The following AVL9 variants were observed in gnomAD, a reference collection of about 807,000 sequenced individuals.
AVL9 encodes late secretory pathway protein AVL9 homolog.
AVL9 carries 49 observed loss-of-function variants against 79.2 expected under a neutral mutation model. The observed-to-expected ratio is 0.62, with a 90% CI of 0.49 to 0.79. The LOEUF (loss-of-function observed/expected upper bound fraction) is 0.79, where lower values mean the gene tolerates loss of function less well. AVL9 is among the 30% of genes least tolerant of loss of function. The pLI is 0.00. For missense variants in AVL9, 682 were observed against 776.8 expected (o/e 0.88, Z 1.45); for synonymous variants, 299 against 280.6 (o/e 1.07, Z -0.65).
chr7:32,544,534 A>C (rs1789380802), intron 2 of AVL9, among the ~76,000 whole-genome samples, 160 bp from the exon 3 acceptor site: 1 of 152,206 alleles, frequency 6.6e-6, no homozygotes. Context: ...GAAAAATTCT[A>C]GGAAACCATT....
chr7:32,583,151 G>C (rs1791591461), intron 15 of AVL9, among the ~76,000 whole-genome samples: 1 of 152,156 alleles, frequency 6.6e-6, no homozygotes, highest in Admixed American at 6.6e-5. Context: ...TATCAAGTTG[G>C]TATTGAAGAT....
At chr7:32,564,509 T>C (rs1790469986) in intron 10 of AVL9, among the ~76,000 whole-genome samples, 1 of 152,210 alleles carries the variant, frequency 6.6e-6, no homozygotes, top group African/African-American at 2.4e-5. Flanking sequence ...CTGGGGAATA[T>C]TGCTGAAGTA....
chr7:32,500,013 TG>T (rs1787046897), intron 1 of AVL9, among the ~76,000 whole-genome samples: 2 of 152,360 alleles, frequency 1.3e-5, no homozygotes, highest in Non-Finnish European at 2.9e-5. Context: ...GCATTTGGGT[TG>T]GTTCCAAGTC....
intron 15 of AVL9, among the ~76,000 whole-genome samples, chr7:32,583,203 A>T (rs1048120130): frequency 1.3e-5 from 2 of 152,182 alleles, no homozygotes; most frequent in Admixed American, 6.5e-5. Context: ...AATAATTCTG[A>T]TACATAGCCA....
In AVL9 at chr7:32,534,385, C is replaced by T. The variant is rs1008674106; in HGVS notation, c.94-8756C>T. Reference sequence around the variant, plus strand: ...TTGCATGTATTAATGCCCTACCAGACATCTTTTTTTTTTTTAAGAGAAAAG... The same window carrying T: ...TTGCATGTATTAATGCCCTACCAGATATCTTTTTTTTTTTTAAGAGAAAAG... On this transcript the variant is annotated intron_variant, in intron 1 of 15. Transcript: ENST00000318709. 2.3e-4 allele frequency: 5 copies of T among 21,418 alleles called. No individual in the cohort carries two copies. The South Asian group carries it at 0.03, about 127-fold the overall frequency. The allele number at this position is 21,418 out of a possible 1,614,324, so 1.3% of individuals were successfully genotyped here.
intron 10 of AVL9, chr7:32,562,621 G>T (rs1413705493): frequency 1.0e-6 from 1 of 984,590 alleles, no homozygotes; most frequent in African/African-American, 1.7e-5. Flanking sequence ...AACTTCACTG[G>T]GTCAAAAGTT....
At chr7:32,501,615 T>C (rs1202706497) in intron 1 of AVL9, among the ~76,000 whole-genome samples, 1 of 152,224 alleles carries the variant, frequency 6.6e-6, no homozygotes, top group Admixed American at 6.5e-5. Flanking sequence ...TTTGGCATTG[T>C]GGCTAAGCGG....
chr7:32,549,148 A>G (rs1167919007), intron 4 of AVL9, among the ~76,000 whole-genome samples: 1 of 151,748 alleles, frequency 6.6e-6, no homozygotes, highest in African/African-American at 2.4e-5. Flanking sequence ...TGACACATAA[A>G]CAAAATGAGG....
Position 32,551,438 on chromosome 7 carries a change from C to T in AVL9, c.462+15C>T. On this transcript the variant is annotated intron_variant, in intron 5 of 15. Coordinates refer to ENST00000318709, the MANE Select transcript of AVL9 (RefSeq NM_015060.3). ...CTATTCTAAAGGTAACTTTATACCC[C>T]TCTATAGATGTGTTTGGCTGAAGAT... 1.4e-6 allele frequency: 2 copies of T among 1,426,910 alleles called. No homozygotes were observed. The highest frequency in any genetic ancestry group is 2.0e-6 in the Non-Finnish European group (2 of 1,011,778). 88.4% of individuals were successfully genotyped at this position (1,426,910 alleles called of 1,614,324 possible). A position where few individuals can be genotyped will look rare whatever the true frequency, so the allele number is the denominator to read the frequency against.
intron 1 of AVL9, among the ~76,000 whole-genome samples, chr7:32,523,813 A>G (rs568611993): frequency 6.8e-6 from 1 of 147,256 alleles, no homozygotes; most frequent in East Asian, 2.0e-4. Context: ...GGCTCACTGC[A>G]AGCTCCGCCT....
Position 32,584,805 on chromosome 7 carries a change from T to C in AVL9, c.*898T>C, listed in dbSNP as rs1235248817. The C allele has an allele frequency of 8.1e-6, 1 of 123,112 alleles. No homozygotes were observed. The highest frequency in any genetic ancestry group is 1.6e-5 in the Non-Finnish European group (1 of 60,988). 7.6% of individuals were successfully genotyped at this position (123,112 alleles called of 1,614,324 possible). ...GGGGGGGGGGGGCGGGGTCTCACTC[T>C]ATCGCCCAGGCTGGAGTGCAGTGGT... is the stretch of plus-strand genomic sequence containing the variant. On this transcript the variant is annotated 3_prime_UTR_variant, in exon 16 of 16. Transcript: ENST00000318709.
chr7:32,531,426 T>TCAACA (rs1562768925), intron 1 of AVL9, among the ~76,000 whole-genome samples: 1 of 152,054 alleles, frequency 6.6e-6, no homozygotes. Context: ...AACATGTATA[T>TCAACA]TCATATAACG....
chr7:32,503,862 T>C (rs904511652), intron 1 of AVL9, among the ~76,000 whole-genome samples: 4 of 152,032 alleles, frequency 2.6e-5, no homozygotes, highest in Admixed American at 2.0e-4. Flanking sequence ...TTTGTATTTT[T>C]AGTAGAGTCA....
At chr7:32,540,748 C>T (rs920343258) in intron 1 of AVL9, among the ~76,000 whole-genome samples, 19 of 151,946 alleles carry the variant, frequency 1.3e-4, no homozygotes, top group African/African-American at 1.9e-4. Context: ...TTCCTACAGC[C>T]GGCTTCTCCA....
chr7:32,553,857 G>T (rs1341054554), intron 7 of AVL9, 90 bp downstream of exon 7: 5 of 911,302 alleles, frequency 5.5e-6, no homozygotes, highest in African/African-American at 3.3e-5. Flanking sequence ...GCCAAATTCA[G>T]TGTGCTAAAT....
chr7:32,562,257 A>G (rs990440444), intron 10 of AVL9, among the ~76,000 whole-genome samples: 1 of 141,070 alleles, frequency 7.1e-6, no homozygotes, highest in African/African-American at 2.5e-5. Context: ...GTGCCTATGT[A>G]TATTAAAATA....
In AVL9 at chr7:32,583,843, G is replaced by A; in HGVS notation, c.1883G>A (p.Trp628Ter). The change falls in exon 16 of 16, where the codon TGG becomes TAG. Residue 628 changes from tryptophan to a stop codon, truncating the protein, a stop_gained. Coordinates refer to ENST00000318709, the MANE Select transcript of AVL9 (RefSeq NM_015060.3). LOFTEE classifies it high-confidence loss of function. ...FSSAKTAMSSWLSTFTTSTSQ... is the reference protein window; with the variant it reads ...FSSAKTAMSS ...AGTGCAAAGACAGCTATGTCTTCAT[G>A]GCTTTCCACTTTCACCACTTCCACC... The A allele has an allele frequency of 6.2e-7, 1 of 1,614,096 alleles. No homozygotes were observed. The highest frequency in any genetic ancestry group is 8.5e-7 in the Non-Finnish European group (1 of 1,180,008).
At chr7:32,579,347 TTATATAATATATAACA>T (rs1791257689) in intron 13 of AVL9, among the ~76,000 whole-genome samples, 1 of 78,806 alleles carries the variant, frequency 1.3e-5, no homozygotes, top group Non-Finnish European at 2.5e-5. Flanking sequence ...AACACATATT[TTATATAATATATAACA>T]TATATAATAT....
chr7:32,528,163 A>C (rs949223523), intron 1 of AVL9, among the ~76,000 whole-genome samples: 1 of 152,008 alleles, frequency 6.6e-6, no homozygotes, highest in Non-Finnish European at 1.5e-5. Flanking sequence ...TATGACCTGG[A>C]AACACCACCC....
Sources: gnomAD v4.1 joint callset for allele counts (sites outside exome capture counted in the v4.1 genomes callset) on GRCh38, gnomAD v4.1.1 for gene constraint, MANE v1.5 for transcripts, NCBI Gene and HGNC (gene_info 2026-07-23, HGNC 2026-07-21) for gene names.